Variants in AP2S1 observed in about 807,000 individuals in gnomAD.
AP2S1 encodes the protein AP-2 complex subunit sigma.
In AP2S1, 6 loss-of-function variants were observed where a neutral mutation model predicts 21.0. That is an observed-to-expected ratio of 0.29 (90% CI 0.16 to 0.56). The LOEUF is 0.56. Ranked by LOEUF, AP2S1 falls within the 20% of genes least tolerant of loss-of-function variation. The probability of loss-of-function intolerance (pLI) is 0.92; values close to 1 mark genes in which losing one functional copy is unlikely to be tolerated. For missense variants in AP2S1, 60 were observed against 186.2 expected (o/e 0.32, Z 3.95); for synonymous variants, 63 against 74.6 (o/e 0.84, Z 0.80).
At chr19:46,839,699 G>A in intron 2 of AP2S1, 121 bp from the exon 3 acceptor site, 1 of 1,496,044 alleles carries the variant, frequency 6.7e-7, no homozygotes, top group Non-Finnish European at 9.0e-7. Flanking sequence ...CTCTGTGCCT[G>A]GCCCTGTGCT....
chr19:46,849,035 CAG>C (rs369914881), intron 1 of AP2S1, among the ~76,000 whole-genome samples: 25 of 89,586 alleles, frequency 2.8e-4, no homozygotes, highest in African/African-American at 1.1e-3. Flanking sequence ...TTTTTTGAGA[CAG>C]AGTCTCACTC....
At chr19:46,842,336 G>A (rs1286032989) in intron 2 of AP2S1, among the ~76,000 whole-genome samples, 1 of 152,108 alleles carries the variant, frequency 6.6e-6, no homozygotes, top group African/African-American at 2.4e-5. Context: ...TCCCAGCCCT[G>A]CCTACTGTGG....
chr19:46,844,646 A>C (rs1396668362), intron 2 of AP2S1, among the ~76,000 whole-genome samples: 1 of 151,950 alleles, frequency 6.6e-6, no homozygotes, highest in Non-Finnish European at 1.5e-5. Context: ...AAAAATACAA[A>C]TATTAGCTGG....
chr19:46,839,004 A>C (rs2122754913), intron 3 of AP2S1, among the ~76,000 whole-genome samples: 1 of 152,060 alleles, frequency 6.6e-6, no homozygotes, highest in South Asian at 2.1e-4. Context: ...AGATGGCAAA[A>C]GGTCAGGCGC....
chr19:46,850,782 G>A lies in AP2S1; in HGVS notation c.-16C>T. On this transcript the variant is annotated 5_prime_UTR_variant, in exon 1 of 5. Coordinates refer to ENST00000263270, the MANE Select transcript of AP2S1 (RefSeq NM_004069.6). The stretch of plus-strand genomic sequence containing the variant: ...CCGTTACCATGGCGACCCCCGTCCA[G>A]ACCCCAGCGGCCCCGGTCCCGCGGC... 8.9e-6 allele frequency: 14 copies of A among 1,574,366 alleles called. No individual in the cohort carries two copies. Among genetic ancestry groups the A allele is most frequent in the Non-Finnish European group, 9.5e-6 (11 of 1,159,266 alleles).
intron 1 of AP2S1, 73 bp downstream of exon 1, chr19:46,850,691 G>A (rs768143377): frequency 1.5e-6 from 2 of 1,334,142 alleles, no homozygotes. Context: ...ACTTGTCAGC[G>A]CCCGATCCAG....
At chr19:46,850,724 C>A in intron 1 of AP2S1, 40 bp downstream of exon 1, 5 of 1,507,128 alleles carry the variant, frequency 3.3e-6, no homozygotes, top group South Asian at 1.1e-5. Context: ...ACGCGTGGGC[C>A]CCCCCTCCGC....
At chr19:46,839,273 C>T (rs559134337) in intron 3 of AP2S1, among the ~76,000 whole-genome samples, 192 bp downstream of exon 3, 13 of 80,872 alleles carry the variant, frequency 1.6e-4, no homozygotes, top group African/African-American at 4.7e-4. Flanking sequence ...GGCGACAGAA[C>T]AAGACTCCGT....
At chr19:46,848,901 CAG>C (rs1265920169) in intron 1 of AP2S1, among the ~76,000 whole-genome samples, 1 of 151,706 alleles carries the variant, frequency 6.6e-6, no homozygotes, top group Non-Finnish European at 1.5e-5. Flanking sequence ...TTAGTAGAGA[CAG>C]GGTTTCACCA....
At position 46,838,524 on chromosome 19, in the gene AP2S1, A is replaced by G; in HGVS notation, c.352T>C (p.Phe118Leu). Residue 118 changes from phenylalanine (F) to leucine (L), a missense_variant, in exon 5 of 5, where the codon TTC becomes CTC. Physicochemically the swap from Phe to Leu is conservative, Grantham distance 22 (BLOSUM62 0). Coordinates refer to ENST00000263270, the MANE Select transcript of AP2S1 (RefSeq NM_004069.6). This position sits in a 1 kb window ranked among gnomAD's most constrained non-coding sequence, Gnocchi z 4.1. ...GTCTCTCGGATTTCGCCAGCCAGGA[A>G]CATCTCGTCCACGACCGTGTAAACC... ...YKVYTVVDEM[F>L]LAGEIRETSQ... The G allele has an allele frequency of 6.2e-7, 1 of 1,614,190 alleles. No homozygotes were observed. Among genetic ancestry groups the G allele is most frequent in the East Asian group, 2.2e-5 (1 of 44,876 alleles).
Position 46,839,727 on chromosome 19 carries a change from C to T in AP2S1, c.154-149G>A, listed in dbSNP as rs569448918. On this transcript the variant is annotated intron_variant, in intron 2 of 4. Transcript: ENST00000263270. ...CCTGTGCTGGGGTCACAGCAGTGAC[C>T]GAGACAGCCCTAACCCTGCTCACAG... The T allele has an allele frequency of 2.8e-4, 378 of 1,337,012 alleles. 1 individual carries two copies. The South Asian group carries it at 3.9e-3, about 14-fold the overall frequency. 82.8% of individuals were successfully genotyped at this position (1,337,012 alleles called of 1,614,324 possible).
At chr19:46,839,424 G>GCCCCCCCCCCCCCCCCCCCAAAAAAC in intron 3 of AP2S1, 41 bp downstream of exon 3, 1 of 1,504,488 alleles carries the variant, frequency 6.6e-7, no homozygotes. Flanking sequence ...CTCCAGGGCT[G>GCCCCCCCCCCCCCCCCCCCAAAAAAC]CCCACCCGCC....
chr19:46,840,910 A>G (rs995842085), intron 2 of AP2S1, among the ~76,000 whole-genome samples: 1 of 149,366 alleles, frequency 6.7e-6, no homozygotes. Flanking sequence ...TTTCAGCTCA[A>G]TCTCTTGTTC....
At position 46,838,367 on chromosome 19, in the gene AP2S1, G is replaced by T; in HGVS notation, c.*80C>A. 7.1e-7 allele frequency: 1 copy of T among 1,403,780 alleles called. No homozygotes were observed. The allele number at this position is 1,403,780 out of a possible 1,614,324, so 87.0% of individuals were successfully genotyped here. On this transcript the variant is annotated 3_prime_UTR_variant, in exon 5 of 5. Coordinates refer to ENST00000263270, the MANE Select transcript of AP2S1 (RefSeq NM_004069.6). The surrounding 1 kb of genome is among the most constrained non-coding windows in gnomAD (Gnocchi z 4.1). ...CTAGGCAGCTGAGGGAAGGACTGCT[G>T]GGTTGGCCACGGGCCTGGGAAGGGG...
rs578186842 is a variant in AP2S1, at chr19:46,847,493, G to A, written c.4-1351C>T. ...TCATCCCCCCAAAGTGCTGCATCAG[G>A]CGTGAGCCACTGCACCCCACCTAAT... On this transcript the variant is annotated intron_variant, in intron 1 of 4. Transcript: ENST00000263270. Among the ~76,000 whole-genome samples, 418 of 152,078 alleles carry A rather than the reference G, an allele frequency of 2.7e-3. 1 individual carries two copies. The highest frequency in any genetic ancestry group is 6.8e-3 in the Middle Eastern group (2 of 294).
Position 46,838,686 on chromosome 19 carries a change from C to G in AP2S1, c.327+54G>C. On this transcript the variant is annotated intron_variant, in intron 4 of 4. Coordinates refer to ENST00000263270, the MANE Select transcript of AP2S1 (RefSeq NM_004069.6). This position sits in a 1 kb window ranked among gnomAD's most constrained non-coding sequence, Gnocchi z 4.1. ...TCCGGGTGGCTAGTGCACCACGGGTCCCCCCCGTCCCCCTCCTCTGGCTCC... is the reference window on the plus strand; with the variant it reads ...TCCGGGTGGCTAGTGCACCACGGGTGCCCCCCGTCCCCCTCCTCTGGCTCC... 1.9e-6 allele frequency: 3 copies of G among 1,584,314 alleles called. No homozygotes were observed. The highest frequency in any genetic ancestry group is 1.7e-4 in the Middle Eastern group (1 of 5,958).
In AP2S1 at chr19:46,838,900, G is replaced by C; in HGVS notation, c.268-101C>G. On this transcript the variant is annotated intron_variant, in intron 3 of 4. Coordinates refer to ENST00000263270, the MANE Select transcript of AP2S1 (RefSeq NM_004069.6). The surrounding 1 kb of genome is among the most constrained non-coding windows in gnomAD (Gnocchi z 4.1). ...ATCAGAAAGAGACAGCAAAAAAAGA[G>C]ACCAAGGGGGAGGCAGGGGAGAGAG... 1 of 1,045,402 alleles carries C rather than the reference G, an allele frequency of 9.6e-7. No homozygotes were observed. Among genetic ancestry groups the C allele is most frequent in the Non-Finnish European group, 1.5e-6 (1 of 686,468 alleles). The allele number at this position is 1,045,402 out of a possible 1,614,324, so 64.8% of individuals were successfully genotyped here.
At chr19:46,839,687 A>AGCTCTGTGCCTG (rs2055483076) in intron 2 of AP2S1, 109 bp from the exon 3 acceptor site, 1 of 1,534,592 alleles carries the variant, frequency 6.5e-7, no homozygotes, top group Non-Finnish European at 8.8e-7. Flanking sequence ...CCCGAGGCCC[A>AGCTCTGTGCCTG]GCTCTGTGCC....
chr19:46,843,240 G>A (rs1011232455), intron 2 of AP2S1, among the ~76,000 whole-genome samples: 3 of 152,134 alleles, frequency 2.0e-5, no homozygotes, highest in Non-Finnish European at 4.4e-5. Context: ...CACACCGACG[G>A]CTTCCATGCT....
Sources: gnomAD v4.1 joint callset for allele counts (sites outside exome capture counted in the v4.1 genomes callset) on GRCh38, gnomAD v4.1.1 for gene constraint, Gnocchi (gnomAD v3.1) non-coding constraint, MANE v1.5 for transcripts, NCBI Gene and HGNC (gene_info 2026-07-23, HGNC 2026-07-21) for gene names.